The following SEC16A variants were observed in gnomAD, a reference collection of about 807,000 sequenced individuals.
SEC16A encodes protein transport protein Sec16A.
SEC16A carries 110 observed loss-of-function variants against 221.9 expected under a neutral mutation model. That is an observed-to-expected ratio of 0.50 (90% CI 0.42 to 0.58). The LOEUF (loss-of-function observed/expected upper bound fraction) is 0.58, where lower values mean the gene tolerates loss of function less well. Ranked by LOEUF, SEC16A falls within the 20% of genes least tolerant of loss-of-function variation. The pLI is 0.00. For synonymous variants in SEC16A, 1,393 were observed against 1,257.7 expected, an observed-to-expected ratio of 1.11 and a Z score of -2.28; for missense variants, 3,165 against 3,097.8, an observed-to-expected ratio of 1.02 and a Z score of -0.52.
rs1836221028 is a variant in SEC16A at position 136,441,801 on chromosome 9, G to C, written c.7028C>G (p.Ser2343Ter). 1.9e-6 allele frequency: 3 copies of C among 1,613,216 alleles called. No homozygotes were observed. The highest frequency in any genetic ancestry group is 1.1e-5 in the South Asian group (1 of 91,078). ...LAQACATSGS[S>*]RLGRIGQRKH... Reference sequence around the variant, plus strand: ...CCTCTGGCCAATCCTCCCTAGCCTTGAGCTCCCGGAGGTGGCGCAGGCCTG... The same window carrying C: ...CCTCTGGCCAATCCTCCCTAGCCTTCAGCTCCCGGAGGTGGCGCAGGCCTG... The change falls in exon 32 of 32, where the codon TCA (serine) becomes TGA (stop). Residue 2343 changes from serine to a stop codon, truncating the protein, a stop_gained. Coordinates refer to ENST00000684901, the MANE Select transcript of SEC16A (RefSeq NM_014866.2). LOFTEE classifies it high-confidence loss of function.
Position 136,476,650 on chromosome 9 carries a change from T to C in SEC16A, c.966A>G (p.Gly322=). Residue 322 remains glycine, a synonymous_variant, in exon 3 of 32, where the codon GGA becomes GGG. Transcript: ENST00000684901. The stretch of plus-strand genomic sequence containing the variant: ...AGGCGGGCCGGTGCTCATTCTTCAC[T>C]CCTGGATTCTGCCTGAGCTCTGGGC... ...WASPELRQNP[G]VKNEHRPASA... The C allele has an allele frequency of 6.4e-7, 1 of 1,573,276 alleles. No individual in the cohort carries two copies. Among genetic ancestry groups the C allele is most frequent in the Non-Finnish European group, 8.6e-7 (1 of 1,157,718 alleles).
At position 136,474,790 on chromosome 9, in the gene SEC16A, T is replaced by C. The variant is rs776991881; in HGVS notation, c.2826A>G (p.Gln942=). The stretch of plus-strand genomic sequence containing the variant: ...GAGCACTTCCTGCCTTACGATCCTT[T>C]TGACTTTCTGGAACCAAGTTCTCTG... ...PVPENLVPES[Q]KDRKAGSALP... The change falls in exon 3 of 32, where the codon CAA becomes CAG. Residue 942 remains glutamine, a synonymous_variant. Coordinates refer to ENST00000684901, the MANE Select transcript of SEC16A (RefSeq NM_014866.2). 178 of 1,613,826 alleles carry C rather than the reference T, an allele frequency of 1.1e-4. No individual in the cohort carries two copies. The highest frequency in any genetic ancestry group is 1.4e-4 in the Non-Finnish European group (164 of 1,179,896).
In SEC16A at chr9:136,474,260, G is replaced by C. The variant is rs1308808114; in HGVS notation, c.3356C>G (p.Ser1119Cys). The C allele has an allele frequency of 1.2e-6, 2 of 1,608,228 alleles. No individual in the cohort carries two copies. Among genetic ancestry groups the C allele is most frequent in the South Asian group, 1.1e-5 (1 of 90,554 alleles). ...GQQLPPRPPQ[S>C]SSVSLVSSGS... is the part of the protein sequence containing the mutation. ...ACTGGACACCAGAGACACGCTAGAG[G>C]ACTGAGGAGGCCGAGGGGGCAGCTG... The change falls in exon 3 of 32, where the codon TCC becomes TGC. Residue 1119 changes from serine (S) to cysteine (C), a missense_variant. Physicochemically the swap from Ser to Cys is moderately radical, Grantham distance 112. Transcript: ENST00000684901.
Position 136,441,843 on chromosome 9 carries a change from A to G in SEC16A, c.7006-20T>C, listed in dbSNP as rs550270517. ...GCAGGCCTGGAATGAAATCAACAGC[A>G]TGACCTCTGCATGCCTGCCCCCAGG... On this transcript the variant is annotated intron_variant, in intron 31 of 31. Coordinates refer to ENST00000684901, the MANE Select transcript of SEC16A (RefSeq NM_014866.2). The G allele has an allele frequency of 9.9e-6, 16 of 1,610,356 alleles. No homozygotes were observed. The highest frequency in any genetic ancestry group is 1.7e-4 in the Middle Eastern group (1 of 6,050).
At chr9:136,445,848 G>C in intron 28 of SEC16A, 129 bp from the exon 29 acceptor site, 1 of 801,814 alleles carries the variant, frequency 1.2e-6, no homozygotes, top group South Asian at 1.6e-5. Context: ...GTGCTCCTCA[G>C]AGAGAAGTGA....
Position 136,476,942 on chromosome 9 carries a change from G to A in SEC16A, c.674C>T (p.Ser225Leu), listed in dbSNP as rs749181626. Reference sequence around the variant, plus strand: ...AGGGCAGGGTGAACGATGTTGCCCCGAGGGCTGTGGGCCTCCCTGCACTGG... The same window carrying A: ...AGGGCAGGGTGAACGATGTTGCCCCAAGGGCTGTGGGCCTCCCTGCACTGG... ...WGPVQGGPQPSGQHRSPCPEG... is the reference protein window; with the variant it reads ...WGPVQGGPQPLGQHRSPCPEG... The change falls in exon 3 of 32, where the codon TCG becomes TTG. Residue 225 changes from serine to leucine, a missense_variant. This residue lies in a region of SEC16A where 2,030 missense variants were observed against 1,923.1 expected (regional missense o/e 1.06). Coordinates refer to ENST00000684901, the MANE Select transcript of SEC16A (RefSeq NM_014866.2). 2.8e-5 allele frequency: 45 copies of A among 1,612,476 alleles called. No homozygotes were observed. Among genetic ancestry groups the A allele is most frequent in the East Asian group, 4.5e-5 (2 of 44,894 alleles).
chr9:136,443,820 C>T lies in SEC16A; in HGVS notation c.7005+3G>A. 1.9e-6 allele frequency: 3 copies of T among 1,610,810 alleles called. No homozygotes were observed. Among genetic ancestry groups the T allele is most frequent in the Non-Finnish European group, 2.5e-6 (3 of 1,178,474 alleles). On this transcript the variant is annotated splice_donor_region_variant and intron_variant, in intron 31 of 31. Transcript: ENST00000684901. ...CTCGTAGGGAAAGGTAGGAGTCACT[C>T]ACCTGTGCCAGCTGAGCAGGGTTGT...
At position 136,464,500 on chromosome 9, in the gene SEC16A, G is replaced by C. The variant is rs1839904637; in HGVS notation, c.4366C>G (p.Pro1456Ala). ...SVPHVCARFG[P>A]GGQLIKVIPN... ...ATCACTTTGATAAGCTGACCGCCAG[G>C]GCCAAACCTGGCACAGACATGAGGC... Residue 1456 changes from proline (P) to alanine (A), a missense_variant, in exon 9 of 32, where the codon CCT becomes GCT. Physicochemically the swap from Pro to Ala is conservative, Grantham distance 27. Transcript: ENST00000684901. 2 of 1,612,378 alleles carry C rather than the reference G, an allele frequency of 1.2e-6. No individual in the cohort carries two copies. The highest frequency in any genetic ancestry group is 8.5e-7 in the Non-Finnish European group (1 of 1,178,576).
intron 4 of SEC16A, among the ~76,000 whole-genome samples, chr9:136,471,468 G>C (rs1345650488): frequency 6.6e-6 from 1 of 152,084 alleles, no homozygotes; most frequent in Non-Finnish European, 1.5e-5. Flanking sequence ...AGTGAGACCT[G>C]CCTTAAAAGA....
rs149236979 is a variant in SEC16A, at chr9:136,462,950, G to A, written c.4830C>T (p.Ala1610=). The A allele has an allele frequency of 1.7e-5, 27 of 1,606,384 alleles. No homozygotes were observed. Among genetic ancestry groups the A allele is most frequent in the African/African-American group, 8.0e-5 (6 of 75,072 alleles). ...CGGTCTCTCTCTCGAGCGAGCTGGC[G>A]GCAGCCGCCGGACCACCAGTGAGGA... ...LSFLTGGPAA[A]ASSLERETER... The change falls in exon 12 of 32, where the codon GCC becomes GCT. Residue 1610 remains alanine, a synonymous_variant. Coordinates refer to ENST00000684901, the MANE Select transcript of SEC16A (RefSeq NM_014866.2).
Position 136,465,954 on chromosome 9 carries a change from G to A in SEC16A, c.4303+8C>T. 6.2e-7 allele frequency: 1 copy of A among 1,612,732 alleles called. No individual in the cohort carries two copies. The highest frequency in any genetic ancestry group is 8.5e-7 in the Non-Finnish European group (1 of 1,179,640). On this transcript the variant is annotated splice_region_variant and intron_variant, in intron 8 of 31. Coordinates refer to ENST00000684901, the MANE Select transcript of SEC16A (RefSeq NM_014866.2). ...AGCCGGTATCCCTCTGTCCTGCTGA[G>A]CACACACCTTGCTCCATGGCAGGCC...
At chr9:136,480,988 G>A (rs1487816267) in intron 1 of SEC16A, among the ~76,000 whole-genome samples, 2 of 152,098 alleles carry the variant, frequency 1.3e-5, no homozygotes, top group Non-Finnish European at 2.9e-5. Flanking sequence ...CTCCCTAATT[G>A]AGAGCTTTTT....
chr9:136,464,386 A>G, intron 9 of SEC16A, 34 bp downstream of exon 9: 1 of 1,573,500 alleles, frequency 6.4e-7, no homozygotes, highest in Middle Eastern at 1.7e-4. Context: ...AGGGCAGCAG[A>G]GCAGTGACGC....
At chr9:136,455,864 A>G in intron 19 of SEC16A, 71 bp from the exon 20 acceptor site, 1 of 1,441,056 alleles carries the variant, frequency 6.9e-7, no homozygotes, top group African/African-American at 1.4e-5. Context: ...GCCTGCCACC[A>G]CCGCGCTTGC....
chr9:136,468,450 T>A lies in SEC16A; in HGVS notation c.3767A>T (p.Tyr1256Phe). The change falls in exon 5 of 32, where the codon TAT (tyrosine) becomes TTT (phenylalanine). Residue 1256 changes from tyrosine to phenylalanine, a missense_variant. Physicochemically the swap from Tyr to Phe is conservative, Grantham distance 22. Transcript: ENST00000684901. ...KSGWSSQSDYYASYYSSQYDY... is the reference protein window; with the variant it reads ...KSGWSSQSDYFASYYSSQYDY... ...GTACTGGCTGGAGTAATAGCTTGCA[T>A]AGTAATCGCTCTGACTGCTCCATCC... 6.2e-7 allele frequency: 1 copy of A among 1,613,444 alleles called. No homozygotes were observed.
At position 136,475,037 on chromosome 9, in the gene SEC16A, C is replaced by G; in HGVS notation, c.2579G>C (p.Arg860Thr). 6.2e-7 allele frequency: 1 copy of G among 1,613,746 alleles called. No homozygotes were observed. Among genetic ancestry groups the G allele is most frequent in the South Asian group, 1.1e-5 (1 of 91,066 alleles). The stretch of plus-strand genomic sequence containing the variant: ...AGGTCTATCCCCCACCAAAGCCTCT[C>G]TCCAGGACTGATTCTTCTCATGAGA... Reference protein sequence around the residue: ...SNSHEKNQSWREALVGDRPAV... With the variant: ...SNSHEKNQSWTEALVGDRPAV... Residue 860 changes from arginine (R) to threonine (T), a missense_variant, in exon 3 of 32, where the codon AGA becomes ACA. By Grantham distance (71) the Arg-to-Thr change is moderately conservative. Transcript: ENST00000684901. This position sits in a 1 kb window ranked among gnomAD's most constrained non-coding sequence, Gnocchi z 5.0.
chr9:136,471,861 T>C, intron 4 of SEC16A, 114 bp downstream of exon 4: 1 of 1,265,188 alleles, frequency 7.9e-7, no homozygotes, highest in East Asian at 2.3e-5. Flanking sequence ...GATAAGTTTG[T>C]ACAATTCTTC....
rs1588845894 is a variant in SEC16A at position 136,441,034 on chromosome 9, A to G, written c.*721T>C. ...CCAGTGACTGGGCCACACGGTGGGCAGTCCCCAGCGCTTTGGGTACACAAA... is the reference window on the plus strand; with the variant it reads ...CCAGTGACTGGGCCACACGGTGGGCGGTCCCCAGCGCTTTGGGTACACAAA... On this transcript the variant is annotated 3_prime_UTR_variant, in exon 32 of 32. Transcript: ENST00000684901. 6.6e-6 allele frequency: 1 copy of G among 152,394 alleles called. No individual in the cohort carries two copies. The highest frequency in any genetic ancestry group is 1.5e-5 in the Non-Finnish European group (1 of 68,072). 9.4% of individuals were successfully genotyped at this position (152,394 alleles called of 1,614,324 possible). A position where few individuals can be genotyped will look rare whatever the true frequency, so the allele number is the denominator to read the frequency against.
intron 30 of SEC16A, among the ~76,000 whole-genome samples, chr9:136,444,353 G>A (rs1160318596): frequency 6.6e-6 from 1 of 152,212 alleles, no homozygotes; most frequent in African/African-American, 2.4e-5. Flanking sequence ...CACATTGGCC[G>A]CAGGTCACTG....
Sources: allele counts gnomAD v4.1 joint callset (sites outside exome capture counted in the v4.1 genomes callset), GRCh38; gene constraint gnomAD v4.1.1; regional missense constraint gnomAD v4.1.1; non-coding constraint Gnocchi (gnomAD v3.1); transcripts MANE v1.5; gene names NCBI Gene and HGNC (gene_info 2026-07-23, HGNC 2026-07-21).